Variants in COL22A1 observed in about 807,000 individuals in gnomAD.
COL22A1 encodes the protein collagen alpha-1(XXII) chain.
COL22A1 carries 221 observed loss-of-function variants against 248.9 expected under a neutral mutation model. The ratio of observed to expected loss-of-function variants is 0.89; its 90% CI spans 0.80 to 0.99. COL22A1 has a LOEUF of 0.99. Among genes scored for constraint, COL22A1 ranks in the 50% least tolerant of loss-of-function variants. The probability of loss-of-function intolerance (pLI) is 0.00; values close to 1 mark genes in which losing one functional copy is unlikely to be tolerated. For synonymous variants in COL22A1, 891 were observed against 793.4 expected (o/e 1.12, Z -2.07); for missense variants, 2,240 against 2,179.0 (o/e 1.03, Z -0.56).
chr8:138,692,120 ATG>A (rs1207118967), intron 35 of COL22A1, among the ~76,000 whole-genome samples: 1 of 10,718 alleles, frequency 9.3e-5, no homozygotes, highest in South Asian at 2.4e-3. Flanking sequence ...AGGTGTGTGT[ATG>A]TGTGTACGTG....
At chr8:138,651,050 G>A (rs1001526442) in intron 45 of COL22A1, among the ~76,000 whole-genome samples, 4 of 152,178 alleles carry the variant, frequency 2.6e-5, no homozygotes, top group Non-Finnish European at 5.9e-5. Flanking sequence ...CTTGGTCTCC[G>A]ATTTCAGGAT....
At chr8:138,862,316 G>T (rs746251844) in intron 3 of COL22A1, among the ~76,000 whole-genome samples, 2 of 152,154 alleles carry the variant, frequency 1.3e-5, no homozygotes, top group Non-Finnish European at 2.9e-5. Context: ...TTCTTCCCGT[G>T]GCCACAACAC....
At chr8:138,710,606 T>TATAGATATATAG (rs150247137) in intron 30 of COL22A1, among the ~76,000 whole-genome samples, 2 of 147,774 alleles carry the variant, frequency 1.4e-5, no homozygotes, top group African/African-American at 5.0e-5. Flanking sequence ...TATCTATCTA[T>TATAGATATATAG]CTATATATAT....
At chr8:138,897,437 T>C (rs1408350981) in intron 1 of COL22A1, among the ~76,000 whole-genome samples, 1 of 151,934 alleles carries the variant, frequency 6.6e-6, no homozygotes, top group Non-Finnish European at 1.5e-5. Context: ...TAATCACAGC[T>C]ACTCAGGAGG....
chr8:138,813,421 T>C (rs554731771), intron 7 of COL22A1, among the ~76,000 whole-genome samples: 55 of 152,328 alleles, frequency 3.6e-4, no homozygotes, highest in African/African-American at 1.2e-3. Context: ...TCTCATTCTC[T>C]CTTGACTGCC....
chr8:138,826,526 A>G, intron 6 of COL22A1, 132 bp downstream of exon 6: 1 of 933,734 alleles, frequency 1.1e-6, no homozygotes, highest in Non-Finnish European at 1.6e-6. Flanking sequence ...CTGAGCCTCC[A>G]TACGCCAGGC....
At position 138,877,742 on chromosome 8, in the gene COL22A1, G is replaced by A. The variant is rs753751932; in HGVS notation, c.658+8C>T. 8 of 1,566,954 alleles carry A rather than the reference G, an allele frequency of 5.1e-6. No individual in the cohort carries two copies. The highest frequency in any genetic ancestry group is 5.2e-6 in the Non-Finnish European group (6 of 1,154,324). On this transcript the variant is annotated splice_region_variant and intron_variant, in intron 3 of 64. Transcript: ENST00000303045. ...GGGAGGGGCCGCATGGGGCCCGGGC[G>A]CACTCACTTTCACAAAGACGGCGCC...
chr8:138,772,788 G>A lies in COL22A1; in HGVS notation c.1803+3178C>T, dbSNP rs376353482. Among the ~76,000 whole-genome samples the A allele has an allele frequency of 1.5e-4, 23 of 152,242 alleles. No homozygotes were observed. In the South Asian group the frequency reaches 1.7e-3, roughly 11 times the overall value. On this transcript the variant is annotated intron_variant, in intron 16 of 64. Coordinates refer to ENST00000303045, the MANE Select transcript of COL22A1 (RefSeq NM_152888.3). The stretch of plus-strand genomic sequence containing the variant: ...TGAGGCAGGAGAATTGCTTGGACCC[G>A]GGAGGTGGAGGTTGCAGTGAGCCGA...
chr8:138,764,218 G>A (rs750513712), intron 16 of COL22A1, among the ~76,000 whole-genome samples: 9 of 152,274 alleles, frequency 5.9e-5, no homozygotes, highest in South Asian at 2.1e-4. Context: ...ATTCACTGCC[G>A]CTCCCTCTGG....
chr8:138,609,748 G>A (rs1349022183), intron 56 of COL22A1, among the ~76,000 whole-genome samples: 5 of 151,992 alleles, frequency 3.3e-5, no homozygotes, highest in Admixed American at 6.5e-5. Flanking sequence ...GAGGATAAGG[G>A]CCAAGACACA....
intron 27 of COL22A1, among the ~76,000 whole-genome samples, chr8:138,717,469 G>A (rs191449694): frequency 6.6e-6 from 1 of 151,856 alleles, no homozygotes; most frequent in Admixed American, 6.6e-5. Context: ...TTTATTTTTA[G>A]TTTTAGTTTT....
intron 59 of COL22A1, 84 bp from the exon 60 acceptor site, chr8:138,602,243 G>C: frequency 1.3e-6 from 2 of 1,481,606 alleles, no homozygotes; most frequent in South Asian, 2.3e-5. Flanking sequence ...TCACAGTCCT[G>C]CATGCTGAGG....
intron 3 of COL22A1, among the ~76,000 whole-genome samples, chr8:138,862,264 G>A (rs17678646): frequency 0.028 from 4,227 of 152,104 alleles, 78 homozygotes; most frequent in Non-Finnish European, 0.038. Context: ...ACAAAACAAA[G>A]TCTTCAATGG....
At chr8:138,773,375 A>G (rs961695983) in intron 16 of COL22A1, among the ~76,000 whole-genome samples, 7 of 152,192 alleles carry the variant, frequency 4.6e-5, no homozygotes, top group Non-Finnish European at 1.0e-4. Context: ...TTCGGCCTCC[A>G]TATCCCCTTC....
chr8:138,809,516 T>TCATTTC, intron 9 of COL22A1, among the ~76,000 whole-genome samples: 1 of 78,864 alleles, frequency 1.3e-5, no homozygotes, highest in South Asian at 4.5e-4. Context: ...CTTCTTCTCT[T>TCATTTC]TTTTTCTTTT....
chr8:138,800,336 T>C (rs1204080806), intron 11 of COL22A1, among the ~76,000 whole-genome samples: 1 of 152,180 alleles, frequency 6.6e-6, no homozygotes, highest in Non-Finnish European at 1.5e-5. Context: ...ATCCCTTGGC[T>C]GCATCTGCCA....
chr8:138,598,051 A>G (rs1482749418), intron 61 of COL22A1, among the ~76,000 whole-genome samples: 1 of 152,220 alleles, frequency 6.6e-6, no homozygotes. Context: ...TGGGCTGTTG[A>G]GCCGGAAGGA....
chr8:138,636,730 G>C lies in COL22A1; in HGVS notation c.3555+12C>G, dbSNP rs895635403. 1.2e-6 allele frequency: 2 copies of C among 1,607,800 alleles called. No individual in the cohort carries two copies. The highest frequency in any genetic ancestry group is 2.7e-5 in the African/African-American group (2 of 74,846). ...CTCAGGGTGAATGGTTCCTTATAAA[G>C]TAAATTTTTACCTGATCACCTTTCT... On this transcript the variant is annotated intron_variant, in intron 48 of 64. Transcript: ENST00000303045.
intron 60 of COL22A1, among the ~76,000 whole-genome samples, chr8:138,601,756 C>G (rs965618741): frequency 6.6e-6 from 1 of 152,094 alleles, no homozygotes; most frequent in Non-Finnish European, 1.5e-5. Flanking sequence ...ATTGGCACTT[C>G]GGGAGCCGAG....
Sources: gnomAD v4.1 joint callset for allele counts (sites outside exome capture counted in the v4.1 genomes callset) on GRCh38, gnomAD v4.1.1 for gene constraint, MANE v1.5 for transcripts, NCBI Gene and HGNC (gene_info 2026-07-23, HGNC 2026-07-21) for gene names.